Variants in PCDHGA1 observed in about 807,000 individuals in gnomAD.
PCDHGA1 encodes the protein protocadherin gamma-A1.
Under a neutral mutation model 58.0 loss-of-function variants are expected in PCDHGA1, and 32 were observed. That is an observed-to-expected ratio of 0.55 (90% CI 0.42 to 0.74). PCDHGA1 has a LOEUF of 0.74. Ranked by LOEUF, PCDHGA1 falls within the 30% of genes least tolerant of loss-of-function variation. The pLI, the probability that PCDHGA1 is intolerant of heterozygous loss-of-function variation, is 0.00. For synonymous variants in PCDHGA1, 498 were observed against 501.1 expected (o/e 0.99, Z 0.08); for missense variants, 1,205 against 1,182.3 (o/e 1.02, Z -0.28).
chr5:141,495,077 C>T (rs1237589417), intron 2 of PCDHGA1, among the ~76,000 whole-genome samples: 4 of 152,180 alleles, frequency 2.6e-5, no homozygotes, highest in African/African-American at 9.7e-5. Flanking sequence ...AATTCACATG[C>T]TTGCCCCTTC....
intron 1 of PCDHGA1, chr5:141,419,506 C>T (rs527369615): frequency 6.2e-7 from 1 of 1,612,352 alleles, no homozygotes; most frequent in Non-Finnish European, 8.5e-7. Context: ...TGAGCCTGCG[C>T]GTGTTGGTGG....
At chr5:141,364,475 GC>G in intron 1 of PCDHGA1, 1 of 1,614,016 alleles carries the variant, frequency 6.2e-7, no homozygotes, top group Non-Finnish European at 8.5e-7. Context: ...CGGCAACATA[GC>G]CAAGGACCTT....
chr5:141,481,880 C>CTCCA (rs1483509373), intron 1 of PCDHGA1, among the ~76,000 whole-genome samples: 1 of 145,300 alleles, frequency 6.9e-6, no homozygotes, highest in Non-Finnish European at 1.5e-5. Context: ...CGCCACTGCA[C>CTCCA]TCCAGCCTGG....
chr5:141,388,809 G>A lies in PCDHGA1; in HGVS notation c.2421+55704G>A, dbSNP rs771582173. The A allele has an allele frequency of 1.2e-6, 2 of 1,613,930 alleles. No individual in the cohort carries two copies. Among genetic ancestry groups the A allele is most frequent in the Non-Finnish European group, 1.7e-6 (2 of 1,179,838 alleles). ...TGTTTTAAATACATTAGATTTTGAA[G>A]AAGTCAAAGAATATTCCATAGTTTT... is the stretch of plus-strand genomic sequence containing the variant. On this transcript the variant is annotated intron_variant, in intron 1 of 3. Transcript: ENST00000517417.
intron 1 of PCDHGA1, chr5:141,423,721 T>C (rs2096769391): frequency 8.3e-7 from 1 of 1,208,140 alleles, no homozygotes; most frequent in East Asian, 3.8e-5. Flanking sequence ...TTTAAGGAGA[T>C]GTTTTTTGAG....
intron 1 of PCDHGA1, chr5:141,410,680 G>A: frequency 6.5e-7 from 1 of 1,535,692 alleles, no homozygotes; most frequent in Non-Finnish European, 8.7e-7. Flanking sequence ...TCATATTTTA[G>A]GCATACTACT....
At chr5:141,388,291 A>G (rs571418912) in intron 1 of PCDHGA1, 114 of 1,613,582 alleles carry the variant, frequency 7.1e-5, no homozygotes, top group Non-Finnish European at 2.5e-6. Context: ...TTCACGCAAA[A>G]TTCCTTTGAG....
intron 1 of PCDHGA1, chr5:141,360,135 G>A (rs1200093111): frequency 1.3e-6 from 2 of 1,592,246 alleles, no homozygotes; most frequent in Admixed American, 3.5e-5. Context: ...GGAGCCAGAA[G>A]ATGAAAGCGA....
At chr5:141,394,689 G>A (rs1354749268) in intron 1 of PCDHGA1, 4 of 1,612,344 alleles carry the variant, frequency 2.5e-6, no homozygotes, top group Non-Finnish European at 3.4e-6. Flanking sequence ...CACGGGCGAG[G>A]TGCGCACGGC....
At chr5:141,362,149 T>C (rs759063405) in intron 1 of PCDHGA1, 2 of 1,614,036 alleles carry the variant, frequency 1.2e-6, no homozygotes, top group East Asian at 2.2e-5. Context: ...GCAAGAGGTA[T>C]TGCCAGACCT....
chr5:141,393,393 C>G (rs1244010216), intron 1 of PCDHGA1: 2 of 1,613,900 alleles, frequency 1.2e-6, no homozygotes, highest in African/African-American at 1.3e-5. Context: ...AAACCCAGAG[C>G]TGGTGCTGGA....
chr5:141,365,053 G>A, intron 1 of PCDHGA1: 1 of 1,613,802 alleles, frequency 6.2e-7, no homozygotes, highest in African/African-American at 1.3e-5. Flanking sequence ...ATGCGCCCCT[G>A]TTCACCCCAT....
At chr5:141,449,588 CA>C (rs768743917) in intron 1 of PCDHGA1, among the ~76,000 whole-genome samples, 1,277 of 57,494 alleles carry the variant, frequency 0.022, 7 homozygotes, top group Middle Eastern at 0.041. Flanking sequence ...GACTCTGTCT[CA>C]AAAAAAAAAA....
Position 141,370,908 on chromosome 5 carries a change from C to G in PCDHGA1, c.2421+37803C>G, listed in dbSNP as rs372602970. ...TGTCAATTCGCTGCAGCAGTACTACCTCAGCCCTGATCCGCACTTCTCTTT... is the reference window on the plus strand; with the variant it reads ...TGTCAATTCGCTGCAGCAGTACTACGTCAGCCCTGATCCGCACTTCTCTTT... On this transcript the variant is annotated intron_variant, in intron 1 of 3. Transcript: ENST00000517417. 2.5e-6 allele frequency: 4 copies of G among 1,614,028 alleles called. No homozygotes were observed. The Admixed American group carries it at 6.7e-5, about 27-fold the overall frequency.
chr5:141,387,721 C>A, intron 1 of PCDHGA1: 2 of 1,151,790 alleles, frequency 1.7e-6, no homozygotes, highest in Non-Finnish European at 2.4e-6. Context: ...CTCAGACTCC[C>A]CAGCGCCAGC....
chr5:141,409,273 G>A, intron 1 of PCDHGA1: 1 of 1,613,958 alleles, frequency 6.2e-7, no homozygotes, highest in South Asian at 1.1e-5. Context: ...ATCAGATTTT[G>A]GAGAATTCAC....
At chr5:141,366,241 G>A in intron 1 of PCDHGA1, 2 of 1,613,748 alleles carry the variant, frequency 1.2e-6, no homozygotes, top group South Asian at 2.2e-5. Flanking sequence ...ACAGAGACGC[G>A]CTCAAGCAGA....
At chr5:141,410,038 T>C (rs1364065272) in intron 1 of PCDHGA1, 2 of 1,613,086 alleles carry the variant, frequency 1.2e-6, no homozygotes, top group African/African-American at 1.3e-5. Flanking sequence ...TGCAGGCCAG[T>C]GAGCCCGGAC....
intron 1 of PCDHGA1, chr5:141,415,994 C>G: frequency 6.6e-6 from 2 of 303,006 alleles, no homozygotes; most frequent in East Asian, 6.9e-5. Context: ...GTTCTGAAGG[C>G]AGGTCTGGTA....
Sources: allele counts gnomAD v4.1 joint callset (sites outside exome capture counted in the v4.1 genomes callset), GRCh38; gene constraint gnomAD v4.1.1; transcripts MANE v1.5; gene names NCBI Gene and HGNC (gene_info 2026-07-23, HGNC 2026-07-21).